The following SLC25A51 variants were observed in gnomAD, a reference collection of about 807,000 sequenced individuals.
SLC25A51 encodes the protein mitochondrial nicotinamide adenine dinucleotide transporter SLC25A51.
Under a neutral mutation model 19.1 loss-of-function variants are expected in SLC25A51, and 11 were observed. The observed-to-expected ratio is 0.58, with a 90% CI of 0.36 to 0.96. The LOEUF (loss-of-function observed/expected upper bound fraction) is 0.96. Among genes scored for constraint, SLC25A51 ranks in the 40% least tolerant of loss-of-function variants. SLC25A51 has a pLI of 0.01. For missense variants in SLC25A51, 201 were observed against 365.4 expected, an observed-to-expected ratio of 0.55 and a Z score of 3.67; for synonymous variants, 105 against 133.6, an observed-to-expected ratio of 0.79 and a Z score of 1.47.
At chr9:37,883,209 T>C (rs1831382954), downstream of SLC25A51, among the ~76,000 whole-genome samples, 1 of 152,240 alleles carries the variant, frequency 6.6e-6, no homozygotes. Context: ...TAGAATCTCT[T>C]ATTAACAACA....
chr9:37,892,856 C>T (rs943765134), intron 2 of SLC25A51, among the ~76,000 whole-genome samples: 2 of 152,204 alleles, frequency 1.3e-5, no homozygotes, highest in East Asian at 1.9e-4. Flanking sequence ...TTTACTGCCT[C>T]AGCCTCCCAA....
At chr9:37,885,743 C>G (rs1831440369), downstream of SLC25A51, 7 of 1,466,800 alleles carry the variant, frequency 4.8e-6, no homozygotes, top group African/African-American at 8.3e-5. Flanking sequence ...ACCGCAGATC[C>G]ATCACTGTGG....
chr9:37,900,176 G>A (rs1319109469), intron 1 of SLC25A51, among the ~76,000 whole-genome samples: 2 of 151,402 alleles, frequency 1.3e-5, no homozygotes, highest in Admixed American at 6.6e-5. Context: ...GCCAGGTGTG[G>A]TGGCTCACGC....
intron 2 of SLC25A51, among the ~76,000 whole-genome samples, chr9:37,891,868 T>TAAAAA (rs1554693919): frequency 1.5e-5 from 2 of 129,684 alleles, no homozygotes; most frequent in African/African-American, 6.9e-5. Flanking sequence ...AAAAAAAATT[T>TAAAAA]TATATATATA....
Position 37,892,018 on chromosome 9 carries a change from G to C in SLC25A51, c.-42-3426C>G, listed in dbSNP as rs139042157. On this transcript the variant is annotated intron_variant, in intron 2 of 2. Transcript: ENST00000242275. ...ATGTGTAAGTGAAGATGTATCCACA[G>C]GATGAGACATAAAGTTATTAAAAAT... Among the ~76,000 whole-genome samples, 769 of 151,888 alleles carry C rather than the reference G, an allele frequency of 5.1e-3. 6 individuals are homozygous for C. Among genetic ancestry groups the C allele is most frequent in the African/African-American group, 0.018 (742 of 41,452 alleles).
At chr9:37,890,344 A>C (rs1831555543) in intron 2 of SLC25A51, among the ~76,000 whole-genome samples, 1 of 152,226 alleles carries the variant, frequency 6.6e-6, no homozygotes, top group African/African-American at 2.4e-5. Flanking sequence ...TGATTGCACC[A>C]CTGCACTCCA....
chr9:37,883,226 G>A (rs1206355190), downstream of SLC25A51, among the ~76,000 whole-genome samples: 1 of 152,224 alleles, frequency 6.6e-6, no homozygotes. Context: ...AACACATTTT[G>A]ACTTCAAGTT....
Position 37,887,980 on chromosome 9 carries a change from A to G in SLC25A51, c.571T>C (p.Phe191Leu). 1 of 1,612,098 alleles carries G rather than the reference A, an allele frequency of 6.2e-7. No homozygotes were observed. The highest frequency in any genetic ancestry group is 2.2e-5 in the East Asian group (1 of 44,886). ...FRNGLSNVLF[F>L]GLRGPIKEHL... ...TCCTTAATGGGACCTCGAAGGCCGA[A>G]AAACAAGACATTGCTGAGTCCATTC... Residue 191 changes from phenylalanine (F) to leucine (L), a missense_variant, in exon 3 of 3, where the codon TTC becomes CTC. Phe to Leu is a conservative substitution (Grantham distance 22, BLOSUM62 0). Transcript: ENST00000242275.
chr9:37,879,587 A>T (rs572361613), exon 4 of SLC25A51: 1 of 152,738 alleles, frequency 6.5e-6, no homozygotes, highest in East Asian at 1.9e-4. Flanking sequence ...GTACTAGTGA[A>T]TACATGCTTC....
At chr9:37,891,835 C>T (rs1474408870) in intron 2 of SLC25A51, among the ~76,000 whole-genome samples, 1 of 119,656 alleles carries the variant, frequency 8.4e-6, no homozygotes, top group African/African-American at 3.2e-5. Flanking sequence ...CTGCGAGAAA[C>T]ACCCAAGAAT....
chr9:37,884,997 C>T (rs1831417097), downstream of SLC25A51, among the ~76,000 whole-genome samples: 1 of 152,118 alleles, frequency 6.6e-6, no homozygotes, highest in Admixed American at 6.5e-5. Context: ...TGCTTAGTTT[C>T]AAAACTAATA....
intron 1 of SLC25A51, among the ~76,000 whole-genome samples, chr9:37,900,910 G>A (rs753408028): frequency 1.8e-4 from 27 of 152,242 alleles, no homozygotes; most frequent in Middle Eastern, 3.4e-3. Context: ...TGGGCTGAAT[G>A]CAGTGGCTAC....
intron 2 of SLC25A51, among the ~76,000 whole-genome samples, chr9:37,898,661 T>C (rs1255528214): frequency 1.3e-5 from 2 of 152,108 alleles, no homozygotes; most frequent in Non-Finnish European, 2.9e-5. Flanking sequence ...AAGGTTGCAG[T>C]GAGCCAAGAT....
chr9:37,901,992 G>A (rs1038150154), intron 1 of SLC25A51, among the ~76,000 whole-genome samples: 3 of 152,270 alleles, frequency 2.0e-5, no homozygotes, highest in African/African-American at 7.2e-5. Flanking sequence ...ATTAAACAAT[G>A]TTAAATCAAC....
At chr9:37,879,323 C>T (rs1336204714), downstream of SLC25A51, 3 of 202,692 alleles carry the variant, frequency 1.5e-5, no homozygotes, top group Non-Finnish European at 3.4e-5. Context: ...GTGTGGTCTT[C>T]TCTGCGACTA....
Position 37,888,241 on chromosome 9 carries a change from C to A in SLC25A51, c.310G>T (p.Asp104Tyr). ...TLALMFGLYE[D>Y]LSCLLHKHVS... ...TGCTTGTGGAGAAGGCAGGATAAATCCTCATACAGACCAAACATAAGTGCA... is the reference window on the plus strand; with the variant it reads ...TGCTTGTGGAGAAGGCAGGATAAATACTCATACAGACCAAACATAAGTGCA... The change falls in exon 3 of 3, where the codon GAT becomes TAT. Residue 104 changes from aspartate to tyrosine, a missense_variant. Asp to Tyr is a radical substitution (Grantham distance 160). Coordinates refer to ENST00000242275, the MANE Select transcript of SLC25A51 (RefSeq NM_033412.4). 6.2e-7 allele frequency: 1 copy of A among 1,614,200 alleles called. No individual in the cohort carries two copies. Among genetic ancestry groups the A allele is most frequent in the Non-Finnish European group, 8.5e-7 (1 of 1,180,030 alleles).
chr9:37,886,091 C>T (rs562047474), downstream of SLC25A51: 518 of 1,523,024 alleles, frequency 3.4e-4, 5 homozygotes, highest in South Asian at 3.4e-3. Context: ...GGATGCTGGA[C>T]GCTATACTGA....
chr9:37,883,916 G>A (rs548465685), downstream of SLC25A51, among the ~76,000 whole-genome samples: 3 of 152,088 alleles, frequency 2.0e-5, no homozygotes, highest in Non-Finnish European at 4.4e-5. Flanking sequence ...TGCTTAATAC[G>A]CTTCATCCTT....
chr9:37,883,452 C>A (rs1831387077), downstream of SLC25A51, among the ~76,000 whole-genome samples: 1 of 152,200 alleles, frequency 6.6e-6, no homozygotes. Context: ...ACAGCAGAAA[C>A]CAAAGCATTT....
Sources: gnomAD v4.1 joint callset for allele counts (sites outside exome capture counted in the v4.1 genomes callset) on GRCh38, gnomAD v4.1.1 for gene constraint, MANE v1.5 for transcripts, NCBI Gene and HGNC (gene_info 2026-07-23, HGNC 2026-07-21) for gene names.